The following HTR7 variants were observed in gnomAD, a reference collection of about 807,000 sequenced individuals.
HTR7 encodes the protein 5-hydroxytryptamine receptor 7.
In HTR7, 16 loss-of-function variants were observed where a neutral mutation model predicts 34.0. That is an observed-to-expected ratio of 0.47 (90% CI 0.32 to 0.71). The LOEUF (loss-of-function observed/expected upper bound fraction) is 0.71. Ranked by LOEUF, HTR7 falls within the 30% of genes least tolerant of loss-of-function variation. The pLI is 0.04. For missense variants in HTR7, 504 were observed against 625.5 expected, an observed-to-expected ratio of 0.81 and a Z score of 2.07; for synonymous variants, 265 against 260.2, an observed-to-expected ratio of 1.02 and a Z score of -0.18.
intron 1 of HTR7, among the ~76,000 whole-genome samples, chr10:90,781,795 T>C (rs1408074112): frequency 6.6e-6 from 1 of 152,244 alleles, no homozygotes; most frequent in Non-Finnish European, 1.5e-5. Context: ...GAAAAAGCCC[T>C]CTAGCCACTG....
chr10:90,852,109 A>G (rs1296792593), intron 1 of HTR7, among the ~76,000 whole-genome samples: 1 of 151,936 alleles, frequency 6.6e-6, no homozygotes, highest in Non-Finnish European at 1.5e-5. Flanking sequence ...CTGTAATCTC[A>G]GCACTTTGGG....
At chr10:90,762,917 A>G (rs940972704) in intron 1 of HTR7, among the ~76,000 whole-genome samples, 3 of 152,194 alleles carry the variant, frequency 2.0e-5, no homozygotes, top group Admixed American at 6.5e-5. Flanking sequence ...CACTCTTGGC[A>G]TCCTTGTCCA....
At chr10:90,744,113 G>A (rs1289446002) in intron 2 of HTR7, among the ~76,000 whole-genome samples, 1 of 151,816 alleles carries the variant, frequency 6.6e-6, no homozygotes, top group African/African-American at 2.4e-5. Context: ...AGCTAGATGG[G>A]AGGAAAAGAG....
intron 1 of HTR7, among the ~76,000 whole-genome samples, chr10:90,757,411 G>C (rs1844848489): frequency 6.6e-6 from 1 of 152,156 alleles, no homozygotes. Flanking sequence ...GCTCAACCAG[G>C]GGAGTATGCC....
At chr10:90,805,503 C>A (rs1300246677) in intron 1 of HTR7, among the ~76,000 whole-genome samples, 1 of 152,174 alleles carries the variant, frequency 6.6e-6, no homozygotes, top group African/African-American at 2.4e-5. Flanking sequence ...ACATAACAAA[C>A]CTTGCTTGCC....
intron 1 of HTR7, among the ~76,000 whole-genome samples, chr10:90,768,048 G>A (rs561953824): frequency 2.6e-5 from 4 of 151,958 alleles, no homozygotes; most frequent in South Asian, 4.1e-4. Flanking sequence ...GCACCATCTC[G>A]ACATGTCCAA....
intron 1 of HTR7, among the ~76,000 whole-genome samples, chr10:90,830,236 C>T (rs1409532931): frequency 6.6e-6 from 1 of 152,188 alleles, no homozygotes; most frequent in African/African-American, 2.4e-5. Flanking sequence ...TGATTCACTG[C>T]CATTTTGGTT....
intron 1 of HTR7, among the ~76,000 whole-genome samples, chr10:90,756,590 G>A (rs1189270239): frequency 2.0e-5 from 3 of 152,048 alleles, no homozygotes; most frequent in Non-Finnish European, 4.4e-5. Context: ...AGAGAGGGGG[G>A]AAGAAAGCAA....
chr10:90,751,813 C>T (rs1844744129), intron 1 of HTR7, among the ~76,000 whole-genome samples: 1 of 152,182 alleles, frequency 6.6e-6, no homozygotes, highest in Non-Finnish European at 1.5e-5. Context: ...TTCACACTTT[C>T]CTTACTAGAA....
intron 1 of HTR7, among the ~76,000 whole-genome samples, chr10:90,808,584 C>A (rs940893712): frequency 1.3e-5 from 2 of 151,990 alleles, no homozygotes; most frequent in African/African-American, 4.8e-5. Context: ...ATTTCCATGC[C>A]CCGACCTTGT....
At chr10:90,818,354 T>C (rs1038967716) in intron 1 of HTR7, among the ~76,000 whole-genome samples, 1 of 152,226 alleles carries the variant, frequency 6.6e-6, no homozygotes, top group Non-Finnish European at 1.5e-5. Flanking sequence ...AAGGCCAGCC[T>C]GGCCAACATG....
At chr10:90,825,740 A>G (rs1212835220) in intron 1 of HTR7, among the ~76,000 whole-genome samples, 2 of 152,254 alleles carry the variant, frequency 1.3e-5, no homozygotes, top group Non-Finnish European at 2.9e-5. Flanking sequence ...GTCTCTTAAT[A>G]GCAGAACTGA....
chr10:90,844,588 G>C (rs568099835), intron 1 of HTR7, among the ~76,000 whole-genome samples: 1 of 151,428 alleles, frequency 6.6e-6, no homozygotes, highest in African/African-American at 2.4e-5. Flanking sequence ...TTAGCCGGGC[G>C]TGGTGGTGGG....
chr10:90,851,399 G>T (rs566705055), intron 1 of HTR7, among the ~76,000 whole-genome samples: 1 of 152,178 alleles, frequency 6.6e-6, no homozygotes, highest in Non-Finnish European at 1.5e-5. Context: ...GAGGTCAGGA[G>T]ATCAAGACCA....
At chr10:90,765,797 T>C (rs1393727264) in intron 1 of HTR7, among the ~76,000 whole-genome samples, 1 of 152,238 alleles carries the variant, frequency 6.6e-6, no homozygotes, top group Non-Finnish European at 1.5e-5. Context: ...TTCAGAACTA[T>C]GTTGTTTAAT....
At chr10:90,777,077 G>A (rs1462251349) in intron 1 of HTR7, among the ~76,000 whole-genome samples, 2 of 152,166 alleles carry the variant, frequency 1.3e-5, no homozygotes, top group African/African-American at 2.4e-5. Flanking sequence ...TCCTCTGAGG[G>A]TCAGCAGGCC....
chr10:90,853,279 TTTTTTTTC>T (rs1381619877), intron 1 of HTR7, among the ~76,000 whole-genome samples: 52 of 134,016 alleles, frequency 3.9e-4, no homozygotes, highest in African/African-American at 1.6e-3. Flanking sequence ...TTGATTTCTT[TTTTTTTTC>T]TTTTTTTTTT....
chr10:90,834,547 T>A lies in HTR7; in HGVS notation c.539+22586A>T, dbSNP rs35358531. ...TCCAGGCAGGTTCAGATCATCTCAG[T>A]TGGGTTTTCTCTGTGTCTGTGGTCA... On this transcript the variant is annotated intron_variant, in intron 1 of 3. Transcript: ENST00000336152. 2.0e-5 allele frequency among the ~76,000 whole-genome samples: 3 copies of A among 152,180 alleles called. No individual in the cohort carries two copies. The South Asian group carries it at 6.2e-4, about 32-fold the overall frequency.
chr10:90,780,536 CAA>C (rs57590024), intron 1 of HTR7, among the ~76,000 whole-genome samples: 16 of 70,944 alleles, frequency 2.3e-4, no homozygotes, highest in African/African-American at 3.5e-4. Context: ...GACTCCATCT[CAA>C]AAAAAAAAAA....
Sources: gnomAD v4.1 joint callset for allele counts (sites outside exome capture counted in the v4.1 genomes callset) on GRCh38, gnomAD v4.1.1 for gene constraint, MANE v1.5 for transcripts, NCBI Gene and HGNC (gene_info 2026-07-23, HGNC 2026-07-21) for gene names.